The following PVT1 variants were observed in gnomAD, a reference collection of about 807,000 sequenced individuals.
The protein encoded by PVT1 is CXCR4/PVT1 fusion.
intron 3 of PVT1, among the ~76,000 whole-genome samples, chr8:127,893,390 C>T (rs896610843): frequency 6.6e-6 from 1 of 152,154 alleles, no homozygotes; most frequent in Non-Finnish European, 1.5e-5. Flanking sequence ...GATTCTTGTG[C>T]GTCAGCCTCC....
rs982399298 is a variant in PVT1, at chr8:128,067,083, G to T, written n.913-3077G>T. On this transcript the variant is annotated intron_variant and non_coding_transcript_variant, in intron 4 of 10. Coordinates refer to ENST00000651587, the Ensembl canonical transcript of PVT1. ...GCAGCCACAGTGACCCTGCTCTCCTGAACCCAGACCACACAGTGCCCACAC... is the reference window on the plus strand; with the variant it reads ...GCAGCCACAGTGACCCTGCTCTCCTTAACCCAGACCACACAGTGCCCACAC... Among the ~76,000 whole-genome samples the T allele has an allele frequency of 2.0e-5, 3 of 152,128 alleles. No individual in the cohort carries two copies. In the East Asian group the frequency reaches 5.8e-4, roughly 29 times the overall value.
intron 2 of PVT1, among the ~76,000 whole-genome samples, chr8:127,822,302 G>A (rs903967279): frequency 2.0e-5 from 3 of 152,212 alleles, no homozygotes; most frequent in African/African-American, 4.8e-5. Context: ...TGCAGGCTGG[G>A]TGCAGTGGGT....
At chr8:127,960,298 G>T (rs1182200343) in intron 3 of PVT1, among the ~76,000 whole-genome samples, 1 of 152,148 alleles carries the variant, frequency 6.6e-6, no homozygotes, top group African/African-American at 2.4e-5. Flanking sequence ...CAGCTTGAGG[G>T]TGGCAGAAGC....
chr8:127,869,567 A>G (rs541338040), intron 2 of PVT1, among the ~76,000 whole-genome samples: 1 of 152,098 alleles, frequency 6.6e-6, no homozygotes, highest in Non-Finnish European at 1.5e-5. Context: ...AGACAATACC[A>G]ACTGTTTCCC....
At chr8:128,049,930 G>T (rs1309553900) in intron 4 of PVT1, among the ~76,000 whole-genome samples, 1 of 152,130 alleles carries the variant, frequency 6.6e-6, no homozygotes, top group Non-Finnish European at 1.5e-5. Context: ...GGACACTGCT[G>T]TATCCCCTGA....
chr8:127,973,154 C>CAAG (rs1816782573), intron 3 of PVT1, among the ~76,000 whole-genome samples: 1 of 152,136 alleles, frequency 6.6e-6, no homozygotes, highest in African/African-American at 2.4e-5. Context: ...CCTTGACCTC[C>CAAG]CAAAGTGCCA....
At chr8:127,900,521 T>C (rs1464465760) in intron 3 of PVT1, among the ~76,000 whole-genome samples, 1 of 152,184 alleles carries the variant, frequency 6.6e-6, no homozygotes, top group East Asian at 1.9e-4. Context: ...TAGCACCATT[T>C]TGTGTGTTTT....
At chr8:128,023,943 ACTT>A (rs953476240) in intron 4 of PVT1, among the ~76,000 whole-genome samples, 1 of 152,228 alleles carries the variant, frequency 6.6e-6, no homozygotes, top group African/African-American at 2.4e-5. Flanking sequence ...TACGCCAGGC[ACTT>A]CTTATCTATT....
Position 127,833,792 on chromosome 8 carries a change from G to A in PVT1, n.372+37721G>A, listed in dbSNP as rs563164846. Among the ~76,000 whole-genome samples the A allele has an allele frequency of 2.6e-5, 4 of 152,242 alleles. No homozygotes were observed. In the South Asian group the frequency reaches 8.3e-4, roughly 32 times the overall value. ...GCATTGGCTCTGCCTGGCTCCAGAG[G>A]GATATGAAGCCATTCCTGGGGGACA... On this transcript the variant is annotated intron_variant and non_coding_transcript_variant, in intron 2 of 10. Transcript: ENST00000651587.
chr8:128,073,601 C>T (rs1814027374), intron 5 of PVT1, among the ~76,000 whole-genome samples: 1 of 152,126 alleles, frequency 6.6e-6, no homozygotes, highest in African/African-American at 2.4e-5. Context: ...CCCACTTCAA[C>T]TTGTGAGGAA....
chr8:127,874,097 C>T (rs991488389), intron 2 of PVT1, among the ~76,000 whole-genome samples: 4 of 152,198 alleles, frequency 2.6e-5, no homozygotes, highest in South Asian at 2.1e-4. Flanking sequence ...CAATTTGGGG[C>T]GAGGGTTATG....
At chr8:127,962,327 T>G (rs903709564) in intron 3 of PVT1, among the ~76,000 whole-genome samples, 12 of 152,184 alleles carry the variant, frequency 7.9e-5, no homozygotes, top group Admixed American at 7.2e-4. Context: ...TTTAGGGGGT[T>G]GTTGTTGTAC....
chr8:128,001,188 G>A (rs970549513), intron 4 of PVT1, among the ~76,000 whole-genome samples: 5 of 152,252 alleles, frequency 3.3e-5, no homozygotes, highest in Admixed American at 6.5e-5. Flanking sequence ...TCTGCACCCC[G>A]TTTGGCTGCT....
At chr8:127,948,289 G>A in intron 3 of PVT1, 1 of 212,712 alleles carries the variant, frequency 4.7e-6, no homozygotes, top group South Asian at 8.1e-5. Flanking sequence ...GCCCATGGTA[G>A]GTCCAGGGCG....
In PVT1 at chr8:127,857,712, G is replaced by A. The variant is rs147756702; in HGVS notation, n.373-32877G>A. ...AACAAAACAAAGCAAAAACAATTAG[G>A]TACAGAAAGGGAGGAGCATCCACAT... On this transcript the variant is annotated intron_variant and non_coding_transcript_variant, in intron 2 of 10. Transcript: ENST00000651587. Among the ~76,000 whole-genome samples, 784 of 152,246 alleles carry A rather than the reference G, an allele frequency of 5.1e-3. 5 individuals carry two copies. Among genetic ancestry groups the A allele is most frequent in the African/African-American group, 0.018 (751 of 41,538 alleles).
At chr8:127,907,246 G>A (rs943897133) in intron 3 of PVT1, among the ~76,000 whole-genome samples, 4 of 152,190 alleles carry the variant, frequency 2.6e-5, no homozygotes, top group African/African-American at 9.7e-5. Context: ...TGGGATTACA[G>A]GTGTGAGCCA....
intron 3 of PVT1, among the ~76,000 whole-genome samples, chr8:127,963,301 C>T (rs1311980657): frequency 2.0e-5 from 3 of 152,178 alleles, no homozygotes; most frequent in Admixed American, 6.5e-5. Flanking sequence ...ATGGTGCGGT[C>T]CACGGGGCAG....
intron 3 of PVT1, among the ~76,000 whole-genome samples, chr8:127,934,489 A>G (rs1259685252): frequency 6.6e-6 from 1 of 152,154 alleles, no homozygotes; most frequent in Non-Finnish European, 1.5e-5. Context: ...TGCCTCAGTG[A>G]TCGCTGAAAT....
At chr8:127,916,154 C>T (rs1815982385) in intron 3 of PVT1, among the ~76,000 whole-genome samples, 1 of 152,210 alleles carries the variant, frequency 6.6e-6, no homozygotes. Flanking sequence ...CCTAAATGTG[C>T]AGTGGGAGAG....
Sources: gnomAD v4.1 joint callset for allele counts (sites outside exome capture counted in the v4.1 genomes callset) on GRCh38, gnomAD v4.1.1 for gene constraint, MANE v1.5 for transcripts, NCBI Gene and HGNC (gene_info 2026-07-23, HGNC 2026-07-21) for gene names.